PIEZO2: variants seen among roughly 807,000 people sequenced by gnomAD.
PIEZO2 encodes the protein piezo type mechanosensitive ion channel component 2, also known as piezo-type mechanosensitive ion channel component 2.
In PIEZO2, 172 loss-of-function variants were observed where a neutral mutation model predicts 337.3. The ratio of observed to expected loss-of-function variants is 0.51; its 90% CI spans 0.45 to 0.58. PIEZO2 has a LOEUF of 0.58. PIEZO2 is among the 20% of genes least tolerant of loss of function. The pLI, the probability that PIEZO2 is intolerant of heterozygous loss-of-function variation, is 0.00. For missense variants in PIEZO2, 3,028 were observed against 3,391.3 expected (o/e 0.89, Z 2.66); for synonymous variants, 1,251 against 1,228.5 (o/e 1.02, Z -0.38).
intron 2 of PIEZO2, among the ~76,000 whole-genome samples, chr18:11,045,424 T>A (rs185609710): frequency 6.6e-6 from 1 of 152,304 alleles, no homozygotes; most frequent in African/African-American, 2.4e-5. Context: ...CACATGTATT[T>A]TCTCCGTGAG....
intron 1 of PIEZO2, among the ~76,000 whole-genome samples, chr18:11,098,975 T>TG (rs2039336584): frequency 6.6e-6 from 1 of 151,212 alleles, no homozygotes; most frequent in Non-Finnish European, 1.5e-5. Flanking sequence ...TTTAAATTTT[T>TG]TTTTTTTTTT....
chr18:11,014,400 GA>G, intron 2 of PIEZO2, among the ~76,000 whole-genome samples: 1 of 150,698 alleles, frequency 6.6e-6, no homozygotes, highest in Admixed American at 6.6e-5. Context: ...CCTCAGTGTG[GA>G]GCACGTCACT....
At chr18:10,700,212 C>A (rs1280665984) in intron 43 of PIEZO2, among the ~76,000 whole-genome samples, 1 of 152,034 alleles carries the variant, frequency 6.6e-6, no homozygotes, top group African/African-American at 2.4e-5. Flanking sequence ...AGTATATTTA[C>A]TTGTTTGCCA....
chr18:10,719,019 A>AATT (rs1567981915), intron 36 of PIEZO2, among the ~76,000 whole-genome samples: 4 of 150,434 alleles, frequency 2.7e-5, no homozygotes, highest in African/African-American at 9.8e-5. Context: ...ATAAATAAAT[A>AATT]AATAAATTTG....
At chr18:10,995,822 A>C (rs1034150624) in intron 2 of PIEZO2, among the ~76,000 whole-genome samples, 1 of 151,952 alleles carries the variant, frequency 6.6e-6, no homozygotes, top group Non-Finnish European at 1.5e-5. Context: ...CTTGCCCTGG[A>C]CTCAGGACAG....
At chr18:10,743,186 C>T (rs764182646) in intron 31 of PIEZO2, among the ~76,000 whole-genome samples, 9 of 151,986 alleles carry the variant, frequency 5.9e-5, no homozygotes, top group Admixed American at 5.9e-4. Context: ...TTATATATAA[C>T]TTATGTCTTT....
rs1012999679 is a variant in PIEZO2, at chr18:11,083,517, C to T, written c.65-17295G>A. Among the ~76,000 whole-genome samples the T allele has an allele frequency of 6.6e-6, 1 of 152,184 alleles. No homozygotes were observed. Among genetic ancestry groups the T allele is most frequent in the Non-Finnish European group, 1.5e-5 (1 of 68,036 alleles). ...GAACTAGAGAGAGGAGAAGCCTGTA[C>T]ACAAAGGGGGAGCCACTCAGGTGGT... On this transcript the variant is annotated intron_variant, in intron 1 of 55. Transcript: ENST00000674853. The surrounding 1 kb of genome is among the most constrained non-coding windows in gnomAD (Gnocchi z 4.4).
At position 10,672,812 on chromosome 18, in the gene PIEZO2, A is replaced by G; in HGVS notation, c.8223T>C (p.Ser2741=). The part of the protein sequence containing the change: ...LSRDNTTKYN[S]EWWVLNLTGN... ...CAGTCAGGTTGAGAACCCACCACTCACTGTTATATTTAGTTGTATTGTCTC... is the reference window on the plus strand; with the variant it reads ...CAGTCAGGTTGAGAACCCACCACTCGCTGTTATATTTAGTTGTATTGTCTC... Residue 2741 remains serine (S), a synonymous_variant, in exon 55 of 56, where the codon AGT becomes AGC. Transcript: ENST00000674853. This position sits in a 1 kb window ranked among gnomAD's most constrained non-coding sequence, Gnocchi z 4.7. 6.2e-7 allele frequency: 1 copy of G among 1,612,808 alleles called. No individual in the cohort carries two copies. The highest frequency in any genetic ancestry group is 1.1e-5 in the South Asian group (1 of 91,048).
At chr18:10,913,550 A>G (rs1011779108) in intron 3 of PIEZO2, among the ~76,000 whole-genome samples, 27 of 152,134 alleles carry the variant, frequency 1.8e-4, no homozygotes, top group Non-Finnish European at 3.7e-4. Flanking sequence ...TAATAGGTTC[A>G]ATTACTTTTC....
intron 14 of PIEZO2, 69 bp from the exon 15 acceptor site, chr18:10,789,434 T>C: frequency 1.4e-6 from 2 of 1,463,908 alleles, no homozygotes; most frequent in Admixed American, 2.4e-5. Flanking sequence ...GACCATGTGA[T>C]AGGTATAGGA....
chr18:10,721,136 T>C (rs1440891727), intron 36 of PIEZO2, among the ~76,000 whole-genome samples: 2 of 152,216 alleles, frequency 1.3e-5, no homozygotes, highest in African/African-American at 4.8e-5. Context: ...AGAAGTCTAG[T>C]AGGAATTTCA....
Position 10,903,719 on chromosome 18 carries a change from C to A in PIEZO2, c.329+7467G>T, listed in dbSNP as rs1311304806. Among the ~76,000 whole-genome samples, 1 of 152,130 alleles carries A rather than the reference C, an allele frequency of 6.6e-6. No homozygotes were observed. Among genetic ancestry groups the A allele is most frequent in the Non-Finnish European group, 1.5e-5 (1 of 68,032 alleles). ...TCTTGGCATTGCCTATAAGATACTT[C>A]CTGACATGGTTTCCACTCCATACCC... On this transcript the variant is annotated intron_variant, in intron 4 of 55. Coordinates refer to ENST00000674853, the MANE Select transcript of PIEZO2 (RefSeq NM_001378183.1). This position sits in a 1 kb window ranked among gnomAD's most constrained non-coding sequence, Gnocchi z 4.1.
chr18:10,903,719 C>G lies in PIEZO2; in HGVS notation c.329+7467G>C, dbSNP rs1311304806. On this transcript the variant is annotated intron_variant, in intron 4 of 55. Coordinates refer to ENST00000674853, the MANE Select transcript of PIEZO2 (RefSeq NM_001378183.1). This position sits in a 1 kb window ranked among gnomAD's most constrained non-coding sequence, Gnocchi z 4.1. ...TCTTGGCATTGCCTATAAGATACTT[C>G]CTGACATGGTTTCCACTCCATACCC... 6.6e-6 allele frequency among the ~76,000 whole-genome samples: 1 copy of G among 152,130 alleles called. No homozygotes were observed. Among genetic ancestry groups the G allele is most frequent in the East Asian group, 1.9e-4 (1 of 5,182 alleles).
chr18:11,052,299 G>A (rs1427607431), intron 2 of PIEZO2, among the ~76,000 whole-genome samples: 1 of 152,176 alleles, frequency 6.6e-6, no homozygotes, highest in African/African-American at 2.4e-5. Context: ...TTTACAGTCA[G>A]GATTCTAGGA....
rs893262519 is a variant in PIEZO2, at chr18:10,676,943, C to T, written c.8081+804G>A. 2.6e-5 allele frequency among the ~76,000 whole-genome samples: 4 copies of T among 152,182 alleles called. No individual in the cohort carries two copies. The highest frequency in any genetic ancestry group is 5.9e-5 in the Non-Finnish European group (4 of 68,024). ...GGGGCAGGGCAGGGAGAATGCGATA[C>T]CACTGGGCACATACTATGTTGGGCC... On this transcript the variant is annotated intron_variant, in intron 53 of 55. Transcript: ENST00000674853. The surrounding 1 kb of genome is among the most constrained non-coding windows in gnomAD (Gnocchi z 5.1).
intron 1 of PIEZO2, among the ~76,000 whole-genome samples, chr18:11,082,612 T>C (rs368682035): frequency 1.3e-5 from 2 of 152,310 alleles, no homozygotes; most frequent in East Asian, 1.9e-4. Context: ...GTTTCACATA[T>C]TTTTAAAACT....
At chr18:10,860,901 T>G (rs1218105932) in intron 5 of PIEZO2, among the ~76,000 whole-genome samples, 1 of 152,254 alleles carries the variant, frequency 6.6e-6, no homozygotes, top group Non-Finnish European at 1.5e-5. Flanking sequence ...CTTTAGGGTT[T>G]TCAGCATTTT....
At chr18:11,004,212 A>G (rs72868873) in intron 2 of PIEZO2, among the ~76,000 whole-genome samples, 223 of 152,284 alleles carry the variant, frequency 1.5e-3, no homozygotes, top group Admixed American at 2.7e-3. Flanking sequence ...CAGGTGTACC[A>G]TTCCTGAGTC....
At chr18:10,838,981 A>G (rs991258611) in intron 7 of PIEZO2, among the ~76,000 whole-genome samples, 4 of 152,202 alleles carry the variant, frequency 2.6e-5, no homozygotes, top group East Asian at 1.9e-4. Context: ...TAATATAAAT[A>G]TGGGTTTAGA....
Sources: allele counts gnomAD v4.1 joint callset (sites outside exome capture counted in the v4.1 genomes callset), GRCh38; gene constraint gnomAD v4.1.1; non-coding constraint Gnocchi (gnomAD v3.1); transcripts MANE v1.5; gene names NCBI Gene and HGNC (gene_info 2026-07-23, HGNC 2026-07-21).